CCDC60: variants seen among roughly 807,000 people sequenced by gnomAD.
The protein encoded by CCDC60 is coiled-coil domain-containing protein 60.
A neutral mutation model predicts 63.5 loss-of-function variants in CCDC60; 54 were observed. That is an observed-to-expected ratio of 0.85 (90% CI 0.68 to 1.07). The LOEUF (loss-of-function observed/expected upper bound fraction) is 1.07. Among genes scored for constraint, CCDC60 ranks in the 50% least tolerant of loss-of-function variants. CCDC60 has a pLI of 0.00. For missense variants in CCDC60, 651 were observed against 684.3 expected (o/e 0.95, Z 0.54); for synonymous variants, 206 against 238.8 (o/e 0.86, Z 1.27).
chr12:119,352,723 G>A (rs1254300535), intron 1 of CCDC60, among the ~76,000 whole-genome samples: 2 of 152,094 alleles, frequency 1.3e-5, no homozygotes, highest in African/African-American at 2.4e-5. Flanking sequence ...GATCACTGAA[G>A]GTCAGGAATT....
rs1952571021 is a variant in CCDC60, at chr12:119,522,985, C to T, written c.1087C>T (p.Gln363Ter). ...TGCAGAAAGCCACATCCAACCAGTC[C>T]AGAAGAAGTCTAAAAAGTAAGCCAG... Reference protein sequence around the residue: ...TSAESHIQPVQKKSKNRTNCD... With the variant: ...TSAESHIQPV The change falls in exon 10 of 14, where the codon CAG (glutamine) becomes TAG (stop). Residue 363 changes from glutamine to a stop codon, truncating the protein, a stop_gained. Transcript: ENST00000327554. LOFTEE classifies it high-confidence loss of function. The T allele has an allele frequency of 2.5e-6, 4 of 1,613,984 alleles. No homozygotes were observed. Among genetic ancestry groups the T allele is most frequent in the Admixed American group, 1.7e-5 (1 of 60,002 alleles).
intron 2 of CCDC60, among the ~76,000 whole-genome samples, chr12:119,448,547 G>C (rs1950579826): frequency 6.6e-6 from 1 of 152,176 alleles, no homozygotes; most frequent in African/African-American, 2.4e-5. Context: ...TCAAGAGCAT[G>C]ATTTTCCAAG....
chr12:119,434,343 A>AT (rs971814743), intron 2 of CCDC60, among the ~76,000 whole-genome samples: 88 of 149,964 alleles, frequency 5.9e-4, no homozygotes, highest in Middle Eastern at 6.9e-3. Flanking sequence ...GTACTCATTC[A>AT]TTTTTTTTTG....
At chr12:119,533,761 C>A (rs549853873) in intron 13 of CCDC60, among the ~76,000 whole-genome samples, 1 of 152,266 alleles carries the variant, frequency 6.6e-6, no homozygotes, top group Admixed American at 6.5e-5. Flanking sequence ...GGCCTCTGTT[C>A]TGTTCCATTG....
intron 1 of CCDC60, among the ~76,000 whole-genome samples, chr12:119,365,916 T>G (rs1287685729): frequency 6.6e-6 from 1 of 152,210 alleles, no homozygotes; most frequent in Non-Finnish European, 1.5e-5. Context: ...GACCATGATC[T>G]GCTTAATAAG....
intron 3 of CCDC60, among the ~76,000 whole-genome samples, chr12:119,477,944 G>A (rs1951214275): frequency 6.6e-6 from 1 of 151,974 alleles, no homozygotes; most frequent in African/African-American, 2.4e-5. Context: ...AGGAGAGAGA[G>A]AGAGAAAGAG....
chr12:119,426,321 TTTC>T (rs1180340089), intron 1 of CCDC60, among the ~76,000 whole-genome samples: 8 of 151,388 alleles, frequency 5.3e-5, no homozygotes, highest in Admixed American at 2.0e-4. Context: ...TATGTTTTGC[TTTC>T]TTTTCTTTTT....
At chr12:119,382,805 T>G (rs561864893) in intron 1 of CCDC60, among the ~76,000 whole-genome samples, 230 of 152,208 alleles carry the variant, frequency 1.5e-3, no homozygotes, top group African/African-American at 5.3e-3. Context: ...GTTTCATGTT[T>G]CCCCAAACAT....
chr12:119,385,857 C>G (rs987606677), intron 1 of CCDC60, among the ~76,000 whole-genome samples: 2 of 152,216 alleles, frequency 1.3e-5, no homozygotes, highest in Non-Finnish European at 2.9e-5. Context: ...CCTGCTGTTG[C>G]TAGCCCCAGG....
chr12:119,393,459 T>C (rs1956196340), intron 1 of CCDC60, among the ~76,000 whole-genome samples: 1 of 152,262 alleles, frequency 6.6e-6, no homozygotes, highest in Admixed American at 6.5e-5. Flanking sequence ...TCCCGAATTG[T>C]ATTTATTTTG....
At chr12:119,384,751 T>C (rs1593007156) in intron 1 of CCDC60, among the ~76,000 whole-genome samples, 1 of 152,244 alleles carries the variant, frequency 6.6e-6, no homozygotes, top group African/African-American at 2.4e-5. Context: ...GTTTGCAGCA[T>C]GTCACCATGT....
chr12:119,349,421 C>T (rs1479530200), intron 1 of CCDC60, among the ~76,000 whole-genome samples: 1 of 149,114 alleles, frequency 6.7e-6, no homozygotes, highest in East Asian at 2.0e-4. Context: ...TCTGGGCTCA[C>T]TGCAACCTCT....
intron 13 of CCDC60, among the ~76,000 whole-genome samples, chr12:119,539,585 G>A (rs1236247355): frequency 1.3e-5 from 2 of 152,204 alleles, no homozygotes; most frequent in Non-Finnish European, 2.9e-5. Flanking sequence ...CTGGCGGCAG[G>A]AATTTCAAGC....
intron 1 of CCDC60, among the ~76,000 whole-genome samples, chr12:119,415,432 G>C (rs184168270): frequency 1.0e-3 from 159 of 152,334 alleles, no homozygotes; most frequent in African/African-American, 3.6e-3. Flanking sequence ...TCACACTGAA[G>C]GCAGGAGCTA....
At chr12:119,482,037 A>G (rs928302176) in intron 4 of CCDC60, among the ~76,000 whole-genome samples, 11 of 146,834 alleles carry the variant, frequency 7.5e-5, no homozygotes, top group Admixed American at 6.2e-4. Context: ...GTGTGTATAT[A>G]TATGTATATA....
intron 1 of CCDC60, among the ~76,000 whole-genome samples, chr12:119,421,622 G>A (rs568732018): frequency 2.0e-5 from 3 of 152,182 alleles, no homozygotes; most frequent in Non-Finnish European, 2.9e-5. Context: ...GAGCACATAG[G>A]AGATTGGCAT....
intron 2 of CCDC60, among the ~76,000 whole-genome samples, chr12:119,459,095 C>G (rs371083539): frequency 2.5e-4 from 38 of 152,174 alleles, no homozygotes; most frequent in African/African-American, 8.4e-4. Context: ...TGATTGCTAG[C>G]ATGTGGCAGA....
chr12:119,382,563 T>C (rs952918604), intron 1 of CCDC60, among the ~76,000 whole-genome samples: 1 of 152,210 alleles, frequency 6.6e-6, no homozygotes, highest in South Asian at 2.1e-4. Flanking sequence ...AGGCCCAGTA[T>C]GGCCTGTACT....
rs1013707502 is a variant in CCDC60 at position 119,410,332 on chromosome 12, G to A, written c.91-18351G>A. On this transcript the variant is annotated intron_variant, in intron 1 of 13. Coordinates refer to ENST00000327554, the MANE Select transcript of CCDC60 (RefSeq NM_178499.5). This position sits in a 1 kb window ranked among gnomAD's most constrained non-coding sequence, Gnocchi z 4.0. ...GTGGAAGTAATACATTTTAAAAAGT[G>A]ATGTACCTTTTGATACATTTTTTTA... Among the ~76,000 whole-genome samples, 7 of 152,016 alleles carry A rather than the reference G, an allele frequency of 4.6e-5. No individual in the cohort carries two copies. The highest frequency in any genetic ancestry group is 1.5e-4 in the African/African-American group (6 of 41,356).
Sources: gnomAD v4.1 joint callset for allele counts (sites outside exome capture counted in the v4.1 genomes callset) on GRCh38, gnomAD v4.1.1 for gene constraint, Gnocchi (gnomAD v3.1) non-coding constraint, MANE v1.5 for transcripts, NCBI Gene and HGNC (gene_info 2026-07-23, HGNC 2026-07-21) for gene names.